The following KIAA0232 variants were observed in gnomAD, a reference collection of about 807,000 sequenced individuals.
KIAA0232 encodes the protein KIAA0232.
In KIAA0232, 27 loss-of-function variants were observed where a neutral mutation model predicts 122.0. The observed-to-expected ratio is 0.22, with a 90% confidence interval of 0.16 to 0.31. KIAA0232 has a LOEUF of 0.31. Among genes scored for constraint, KIAA0232 ranks in the 10% least tolerant of loss-of-function variants. The pLI is 1.00. For synonymous variants in KIAA0232, 613 were observed against 587.6 expected, an observed-to-expected ratio of 1.04 and a Z score of -0.63; for missense variants, 1,551 against 1,634.2, an observed-to-expected ratio of 0.95 and a Z score of 0.88.
chr4:6,790,134 T>TA (rs1352206820), intron 1 of KIAA0232, among the ~76,000 whole-genome samples: 8 of 152,222 alleles, frequency 5.3e-5, no homozygotes, highest in South Asian at 4.1e-4. Flanking sequence ...ATCTTGTTAA[T>TA]ATACATTAAG....
chr4:6,832,707 C>A (rs140187924), intron 3 of KIAA0232, among the ~76,000 whole-genome samples: 4 of 152,108 alleles, frequency 2.6e-5, no homozygotes, highest in African/African-American at 9.7e-5. Flanking sequence ...TAAAACAGTT[C>A]CTGGAATATA....
At chr4:6,879,662 G>A (rs1164721885) in intron 9 of KIAA0232, among the ~76,000 whole-genome samples, 1 of 152,174 alleles carries the variant, frequency 6.6e-6, no homozygotes, top group African/African-American at 2.4e-5. Context: ...CTGAGGAGGG[G>A]CCACCACTGC....
At chr4:6,791,315 CTTTTTT>C (rs10716163) in intron 1 of KIAA0232, among the ~76,000 whole-genome samples, 2 of 82,664 alleles carry the variant, frequency 2.4e-5, no homozygotes, top group East Asian at 3.8e-4. Flanking sequence ...GTCATAAAGC[CTTTTTT>C]TTTTTTTTTT....
chr4:6,866,996 G>A (rs1721220806), intron 7 of KIAA0232, among the ~76,000 whole-genome samples: 1 of 152,206 alleles, frequency 6.6e-6, no homozygotes, highest in Non-Finnish European at 1.5e-5. Flanking sequence ...GAGTTCTGAT[G>A]TATTCTCCAA....
chr4:6,852,198 C>T (rs776654570), intron 4 of KIAA0232, among the ~76,000 whole-genome samples: 7 of 151,988 alleles, frequency 4.6e-5, no homozygotes, highest in South Asian at 2.1e-4. Flanking sequence ...TAGACCATTC[C>T]GTGTTCAAGG....
At position 6,863,148 on chromosome 4, in the gene KIAA0232, A is replaced by G; in HGVS notation, c.2766A>G (p.Gln922=). 6.2e-7 allele frequency: 1 copy of G among 1,614,220 alleles called. No individual in the cohort carries two copies. The highest frequency in any genetic ancestry group is 1.3e-5 in the African/African-American group (1 of 75,072). The change falls in exon 7 of 10, where the codon CAA becomes CAG. Residue 922 remains glutamine, a synonymous_variant. Transcript: ENST00000307659. ...CCTCTAAACCCTGGGATGTAGCCCA[A>G]GATAAAGAAAACACATTCATTCTTG... ...TTPSKPWDVA[Q]DKENTFILGG...
In KIAA0232 at chr4:6,842,086, G is replaced by A. The variant is rs1296556737; in HGVS notation, c.251G>A (p.Gly84Asp). ...TTGCAGGAGAATGACATCTTCCTGG[G>A]CTGGGAAAAAGGAGCTTATAAGAAA... ...LQEQENDIFL[G>D]WEKGAYKKWG... The change falls in exon 4 of 10, where the codon GGC becomes GAC. Residue 84 changes from glycine (G) to aspartate (D), a missense_variant. By Grantham distance (94) the Gly-to-Asp change is moderately conservative. Transcript: ENST00000307659. 1 of 1,613,498 alleles carries A rather than the reference G, an allele frequency of 6.2e-7. No homozygotes were observed. Among genetic ancestry groups the A allele is most frequent in the South Asian group, 1.1e-5 (1 of 91,032 alleles).
chr4:6,794,513 A>G (rs1469909661), intron 1 of KIAA0232, among the ~76,000 whole-genome samples: 2 of 152,214 alleles, frequency 1.3e-5, no homozygotes, highest in African/African-American at 2.4e-5. Context: ...AAGTAGATGC[A>G]TATGTGAAGT....
chr4:6,844,773 A>G (rs1577392833), intron 4 of KIAA0232, among the ~76,000 whole-genome samples: 1 of 152,300 alleles, frequency 6.6e-6, no homozygotes, highest in East Asian at 1.9e-4. Context: ...TTCATACAGC[A>G]TGGGATAGGA....
chr4:6,810,209 G>A (rs941848590), intron 2 of KIAA0232, among the ~76,000 whole-genome samples: 4 of 152,160 alleles, frequency 2.6e-5, no homozygotes, highest in Non-Finnish European at 4.4e-5. Flanking sequence ...GAAACAGCAT[G>A]GTACTGGTGT....
intron 3 of KIAA0232, among the ~76,000 whole-genome samples, chr4:6,828,778 A>G (rs1244888706): frequency 6.6e-6 from 1 of 152,018 alleles, no homozygotes; most frequent in African/African-American, 2.4e-5. Context: ...TTCATCTTCT[A>G]CTTTTGCTTT....
chr4:6,856,819 T>C (rs1430447333), intron 4 of KIAA0232, among the ~76,000 whole-genome samples: 1 of 152,214 alleles, frequency 6.6e-6, no homozygotes, highest in Non-Finnish European at 1.5e-5. Context: ...TTTTTGATGG[T>C]GACTGACTTT....
chr4:6,880,954 A>C lies in KIAA0232; in HGVS notation c.4176A>C (p.Arg1392=), dbSNP rs767431264. ...VGPSEEELFS[R]THL ...CTAGTGAAGAGGAGCTCTTTTCTCG[A>C]ACTCATCTCTAAACCTGCAAAATAG... The change falls in exon 10 of 10, where the codon CGA becomes CGC. Residue 1392 remains arginine, a synonymous_variant. Coordinates refer to ENST00000307659, the MANE Select transcript of KIAA0232 (RefSeq NM_014743.3). 7 of 1,554,006 alleles carry C rather than the reference A, an allele frequency of 4.5e-6. No individual in the cohort carries two copies. The highest frequency in any genetic ancestry group is 2.3e-5 in the East Asian group (1 of 43,078).
At chr4:6,784,804 A>C (rs1278109294) in intron 1 of KIAA0232, among the ~76,000 whole-genome samples, 1 of 152,144 alleles carries the variant, frequency 6.6e-6, no homozygotes, top group African/African-American at 2.4e-5. Context: ...TAGGAAGTAG[A>C]ATTCAAAGTG....
intron 9 of KIAA0232, among the ~76,000 whole-genome samples, chr4:6,876,967 A>G (rs1290303324): frequency 1.3e-5 from 2 of 152,104 alleles, no homozygotes; most frequent in East Asian, 1.9e-4. Flanking sequence ...GTTGACTGCC[A>G]GTGCTTCCTG....
Position 6,824,335 on chromosome 4 carries a change from C to A in KIAA0232, c.-119C>A. On this transcript the variant is annotated 5_prime_UTR_variant, in exon 3 of 10. Transcript: ENST00000307659. ...GGCTGACTACCAGCAAAAATAAATG[C>A]TTATCCTACATGTCAAGCATCTCTA... The A allele has an allele frequency of 1.2e-6, 1 of 845,782 alleles. No individual in the cohort carries two copies. Among genetic ancestry groups the A allele is most frequent in the Non-Finnish European group, 2.0e-6 (1 of 501,322 alleles). 52.4% of individuals were successfully genotyped at this position (845,782 alleles called of 1,614,324 possible).
chr4:6,804,109 C>G (rs1161264181), intron 1 of KIAA0232, among the ~76,000 whole-genome samples: 1 of 152,198 alleles, frequency 6.6e-6, no homozygotes, highest in Non-Finnish European at 1.5e-5. Flanking sequence ...ATAAACATCA[C>G]AGCTAGTAGG....
At chr4:6,870,135 G>T (rs1000047904) in intron 7 of KIAA0232, among the ~76,000 whole-genome samples, 3 of 152,310 alleles carry the variant, frequency 2.0e-5, no homozygotes, top group Middle Eastern at 3.4e-3. Context: ...GTCTTCTATT[G>T]ACCACACTAC....
chr4:6,787,527 G>A (rs1002163869), intron 1 of KIAA0232, among the ~76,000 whole-genome samples: 1 of 152,152 alleles, frequency 6.6e-6, no homozygotes, highest in African/African-American at 2.4e-5. Context: ...TTGCTTTATA[G>A]CATTTTTGTC....
Sources: allele counts gnomAD v4.1 joint callset (sites outside exome capture counted in the v4.1 genomes callset), GRCh38; gene constraint gnomAD v4.1.1; transcripts MANE v1.5; gene names NCBI Gene and HGNC (gene_info 2026-07-23, HGNC 2026-07-21).